Variants in CPXM2 observed in about 807,000 individuals in gnomAD.
CPXM2 encodes carboxypeptidase X, M14 family member 2.
CPXM2 carries 66 observed loss-of-function variants against 86.1 expected under a neutral mutation model. That is an observed-to-expected ratio of 0.77 (90% confidence interval 0.63 to 0.94). CPXM2 has a LOEUF of 0.94. CPXM2 is among the 40% of genes least tolerant of loss of function. CPXM2 has a pLI of 0.00. For synonymous variants in CPXM2, 388 were observed against 400.2 expected (o/e 0.97, Z 0.36); for missense variants, 948 against 1,026.3 (o/e 0.92, Z 1.04).
At chr10:123,863,783 C>T (rs1157300384) in intron 2 of CPXM2, among the ~76,000 whole-genome samples, 1 of 152,230 alleles carries the variant, frequency 6.6e-6, no homozygotes, top group Non-Finnish European at 1.5e-5. Flanking sequence ...GCCCCTGAGC[C>T]CAGGTTATAA....
chr10:123,809,443 T>C (rs187485513), intron 4 of CPXM2, among the ~76,000 whole-genome samples: 77 of 152,312 alleles, frequency 5.1e-4, no homozygotes, highest in African/African-American at 1.8e-3. Context: ...TTAGTCATAG[T>C]GCATGATAAG....
Position 123,754,103 on chromosome 10 carries a change from C to A in CPXM2, c.2017+560G>T, listed in dbSNP as rs1031671041. Reference sequence around the variant, plus strand: ...ATCCTACCCTTCACATTACAGACACCTGAGTCTTCCTAAGACATCACGCTC... The same window carrying A: ...ATCCTACCCTTCACATTACAGACACATGAGTCTTCCTAAGACATCACGCTC... On this transcript the variant is annotated intron_variant, in intron 13 of 13. Transcript: ENST00000241305. The surrounding 1 kb of genome is among the most constrained non-coding windows in gnomAD (Gnocchi z 4.0). Among the ~76,000 whole-genome samples the A allele has an allele frequency of 4.6e-5, 7 of 152,212 alleles. No individual in the cohort carries two copies. The highest frequency in any genetic ancestry group is 1.7e-4 in the African/African-American group (7 of 41,458).
intron 3 of CPXM2, among the ~76,000 whole-genome samples, chr10:123,860,561 A>C (rs1462861075): frequency 3.3e-5 from 5 of 152,262 alleles, no homozygotes; most frequent in Non-Finnish European, 5.9e-5. Flanking sequence ...AGCACAAATA[A>C]ATGTGAACAC....
chr10:123,839,380 T>C (rs189934118), intron 4 of CPXM2, among the ~76,000 whole-genome samples: 6 of 152,330 alleles, frequency 3.9e-5, no homozygotes, highest in Admixed American at 2.6e-4. Flanking sequence ...CATGTATCAT[T>C]ATAGATCAAT....
chr10:123,886,162 C>T (rs1334107407), intron 1 of CPXM2, among the ~76,000 whole-genome samples: 1 of 152,182 alleles, frequency 6.6e-6, no homozygotes, highest in Admixed American at 6.5e-5. Flanking sequence ...GGATTTAACT[C>T]TTAAAGTAAG....
chr10:123,826,667 T>A (rs1848053292), intron 4 of CPXM2, among the ~76,000 whole-genome samples: 1 of 152,018 alleles, frequency 6.6e-6, no homozygotes, highest in African/African-American at 2.4e-5. Flanking sequence ...TTCTTAACTA[T>A]CAGAGGAAAC....
At chr10:123,819,030 A>G (rs1847871081) in intron 4 of CPXM2, among the ~76,000 whole-genome samples, 1 of 152,178 alleles carries the variant, frequency 6.6e-6, no homozygotes, top group Non-Finnish European at 1.5e-5. Context: ...TGCTGCCACC[A>G]GGAGACACAA....
chr10:123,938,454 C>T (rs1208883689), intron 2 of CPXM2, among the ~76,000 whole-genome samples: 1 of 152,186 alleles, frequency 6.6e-6, no homozygotes, highest in Non-Finnish European at 1.5e-5. Context: ...CATGTCTGTT[C>T]CCTAAGAGAG....
At chr10:123,911,874 C>T (rs1175670703) in intron 2 of CPXM2, among the ~76,000 whole-genome samples, 1 of 152,058 alleles carries the variant, frequency 6.6e-6, no homozygotes, top group Non-Finnish European at 1.5e-5. Context: ...GCAGCAACCT[C>T]AATTCTTGCC....
At chr10:123,938,677 G>A (rs1255816687) in intron 2 of CPXM2, among the ~76,000 whole-genome samples, 1 of 152,212 alleles carries the variant, frequency 6.6e-6, no homozygotes, top group Admixed American at 6.5e-5. Flanking sequence ...AATGGTGAAT[G>A]CCCGCTGGCT....
chr10:123,893,987 G>T (rs1945313825), upstream of CPXM2, among the ~76,000 whole-genome samples: 1 of 152,176 alleles, frequency 6.6e-6, no homozygotes, highest in Non-Finnish European at 1.5e-5. Context: ...CTAAAGAGTG[G>T]GTTCAAGTAC....
intron 2 of CPXM2, among the ~76,000 whole-genome samples, chr10:123,921,408 T>C (rs72631129): frequency 0.019 from 2,834 of 152,346 alleles, 72 homozygotes; most frequent in East Asian, 0.095. Flanking sequence ...AAGAATCTTC[T>C]GATATGCTAG....
intron 10 of CPXM2, among the ~76,000 whole-genome samples, chr10:123,766,259 T>G (rs770964913): frequency 6.6e-6 from 1 of 152,334 alleles, no homozygotes; most frequent in South Asian, 2.1e-4. Flanking sequence ...AGGTTTCTAC[T>G]TGGCACGCCC....
chr10:123,795,781 G>A (rs978281259), intron 6 of CPXM2, among the ~76,000 whole-genome samples: 1 of 152,162 alleles, frequency 6.6e-6, no homozygotes. Flanking sequence ...AGATTTCACA[G>A]TGTAACCCTG....
At chr10:123,898,038 C>T (rs1190640581) in intron 2 of CPXM2, among the ~76,000 whole-genome samples, 1 of 152,194 alleles carries the variant, frequency 6.6e-6, no homozygotes, top group Admixed American at 6.5e-5. Context: ...AGTCTGCTGT[C>T]GGGCAATCAG....
At chr10:123,821,716 A>G (rs185253121) in intron 4 of CPXM2, among the ~76,000 whole-genome samples, 11 of 152,286 alleles carry the variant, frequency 7.2e-5, no homozygotes, top group Non-Finnish European at 1.3e-4. Flanking sequence ...AGGTGCTACA[A>G]CTGGGGACAT....
At chr10:123,810,141 G>A (rs1380243160) in intron 4 of CPXM2, among the ~76,000 whole-genome samples, 2 of 151,816 alleles carry the variant, frequency 1.3e-5, no homozygotes, top group African/African-American at 4.8e-5. Flanking sequence ...CATTATTAGA[G>A]ATAAAGACAG....
intron 6 of CPXM2, among the ~76,000 whole-genome samples, chr10:123,796,913 C>A (rs1847346451): frequency 6.6e-6 from 1 of 152,212 alleles, no homozygotes; most frequent in African/African-American, 2.4e-5. Flanking sequence ...TTCCTATAGG[C>A]CCCATGAAGT....
At chr10:123,940,798 T>C (rs1195701089), upstream of CPXM2, among the ~76,000 whole-genome samples, 1 of 152,226 alleles carries the variant, frequency 6.6e-6, no homozygotes, top group Non-Finnish European at 1.5e-5. Flanking sequence ...TGCTTCTTCC[T>C]GGAGCATCTG....
Sources: allele counts gnomAD v4.1 joint callset (sites outside exome capture counted in the v4.1 genomes callset), GRCh38; gene constraint gnomAD v4.1.1; non-coding constraint Gnocchi (gnomAD v3.1); transcripts MANE v1.5; gene names NCBI Gene and HGNC (gene_info 2026-07-23, HGNC 2026-07-21).